CSMD1: variants seen among roughly 807,000 people sequenced by gnomAD.
CSMD1 encodes the protein CUB and sushi domain-containing protein 1.
CSMD1 carries 213 observed loss-of-function variants against 417.5 expected under a neutral mutation model. That is an observed-to-expected ratio of 0.51 (90% confidence interval 0.46 to 0.57). The LOEUF (loss-of-function observed/expected upper bound fraction) is 0.57, where lower values mean the gene tolerates loss of function less well. Among genes scored for constraint, CSMD1 ranks in the 20% least tolerant of loss-of-function variants. The pLI is 0.00. For synonymous variants in CSMD1, 2,862 were observed against 1,736.8 expected, an observed-to-expected ratio of 1.65 and a Z score of -16.11; for missense variants, 6,923 against 4,529.7, an observed-to-expected ratio of 1.53 and a Z score of -15.17.
intron 3 of CSMD1, among the ~76,000 whole-genome samples, chr8:4,401,795 C>T (rs576982785): frequency 6.6e-6 from 1 of 152,248 alleles, no homozygotes; most frequent in African/African-American, 2.4e-5. Context: ...AGCAGTGCTT[C>T]CTCTCTCACT....
intron 1 of CSMD1, among the ~76,000 whole-genome samples, chr8:4,772,310 C>T (rs1007416934): frequency 6.6e-6 from 1 of 152,194 alleles, no homozygotes; most frequent in South Asian, 2.1e-4. Flanking sequence ...TCCTTCACGT[C>T]ATCTTTACGC....
chr8:4,798,977 G>A (rs1006803841), intron 1 of CSMD1, among the ~76,000 whole-genome samples: 1 of 152,104 alleles, frequency 6.6e-6, no homozygotes, highest in Non-Finnish European at 1.5e-5. Context: ...GCTTCTGCAC[G>A]CCCACATCCT....
At chr8:3,759,892 G>A (rs913588392) in intron 5 of CSMD1, among the ~76,000 whole-genome samples, 1 of 128,382 alleles carries the variant, frequency 7.8e-6, no homozygotes, top group East Asian at 2.2e-4. Flanking sequence ...CTGGGTGACT[G>A]AGAGACTGTC....
chr8:3,957,711 A>T (rs1812053838), intron 5 of CSMD1, among the ~76,000 whole-genome samples: 1 of 115,078 alleles, frequency 8.7e-6, no homozygotes, highest in Non-Finnish European at 1.9e-5. Flanking sequence ...GAAGAGGAAA[A>T]GAGAAAAGAA....
chr8:3,015,382 G>C (rs753325946), intron 52 of CSMD1, among the ~76,000 whole-genome samples: 12 of 151,986 alleles, frequency 7.9e-5, no homozygotes, highest in Non-Finnish European at 1.5e-4. Flanking sequence ...ATTTTTTCCT[G>C]ATTGGATGAT....
intron 10 of CSMD1, among the ~76,000 whole-genome samples, chr8:3,571,521 C>A (rs1459415059): frequency 1.3e-5 from 2 of 152,162 alleles, no homozygotes; most frequent in African/African-American, 4.8e-5. Context: ...GAATGCTCAC[C>A]TGCCTCGAGT....
chr8:3,647,096 T>C (rs1003316954), intron 7 of CSMD1, among the ~76,000 whole-genome samples: 2 of 152,156 alleles, frequency 1.3e-5, no homozygotes, highest in Non-Finnish European at 2.9e-5. Flanking sequence ...GCCCTTGTCA[T>C]GGCAATGAAA....
At chr8:3,853,753 A>G (rs985324983) in intron 5 of CSMD1, among the ~76,000 whole-genome samples, 1 of 151,742 alleles carries the variant, frequency 6.6e-6, no homozygotes, top group African/African-American at 2.4e-5. Flanking sequence ...CAGCATTAGG[A>G]GATATACCTA....
intron 3 of CSMD1, among the ~76,000 whole-genome samples, chr8:4,227,083 C>T (rs1015540391): frequency 4.6e-5 from 7 of 152,108 alleles, no homozygotes; most frequent in Non-Finnish European, 7.3e-5. Context: ...TAATAAATGA[C>T]GCATGCCTGA....
intron 5 of CSMD1, among the ~76,000 whole-genome samples, chr8:3,986,713 C>A (rs1001233176): frequency 6.6e-6 from 1 of 152,056 alleles, no homozygotes; most frequent in Admixed American, 6.6e-5. Context: ...GAAAATTTAT[C>A]ATGTTTCAGT....
At chr8:3,885,951 G>A (rs1007481600) in intron 5 of CSMD1, among the ~76,000 whole-genome samples, 3 of 151,324 alleles carry the variant, frequency 2.0e-5, no homozygotes, top group Non-Finnish European at 4.4e-5. Context: ...ATAAGTTATG[G>A]GCATAAATCA....
At chr8:4,594,333 A>G (rs1213193435) in intron 2 of CSMD1, among the ~76,000 whole-genome samples, 2 of 150,306 alleles carry the variant, frequency 1.3e-5, no homozygotes, top group Non-Finnish European at 3.0e-5. Flanking sequence ...CCTCTTGAGT[A>G]GCTGGGAATA....
intron 51 of CSMD1, among the ~76,000 whole-genome samples, chr8:3,028,306 C>T (rs1053128514): frequency 3.9e-5 from 6 of 152,246 alleles, no homozygotes; most frequent in East Asian, 3.9e-4. Context: ...AATCTGTGCA[C>T]GACTGGCAAG....
At chr8:3,529,417 A>G (rs1021466012) in intron 10 of CSMD1, among the ~76,000 whole-genome samples, 3 of 152,220 alleles carry the variant, frequency 2.0e-5, no homozygotes, top group African/African-American at 7.2e-5. Context: ...GGGGGTTGAT[A>G]CATGAGGAAT....
At chr8:4,884,629 A>G (rs1803616014) in intron 1 of CSMD1, among the ~76,000 whole-genome samples, 1 of 152,080 alleles carries the variant, frequency 6.6e-6, no homozygotes, top group Admixed American at 6.5e-5. Flanking sequence ...TGAAAAGTCT[A>G]TTACTTTATT....
intron 3 of CSMD1, among the ~76,000 whole-genome samples, chr8:4,178,195 G>A (rs541734085): frequency 1.8e-3 from 271 of 152,248 alleles, no homozygotes; most frequent in African/African-American, 6.3e-3. Flanking sequence ...GATACTGGCA[G>A]ACCGAATCCA....
chr8:3,021,263 G>A (rs1174858473), intron 51 of CSMD1, among the ~76,000 whole-genome samples: 1 of 152,166 alleles, frequency 6.6e-6, no homozygotes, highest in African/African-American at 2.4e-5. Context: ...TTACTCAATT[G>A]TAAAGAAGAA....
At chr8:4,374,343 T>G (rs1259484798) in intron 3 of CSMD1, among the ~76,000 whole-genome samples, 1 of 152,164 alleles carries the variant, frequency 6.6e-6, no homozygotes, top group Non-Finnish European at 1.5e-5. Flanking sequence ...TTTCTTTATT[T>G]TCAGAATCTG....
intron 12 of CSMD1, among the ~76,000 whole-genome samples, chr8:3,452,131 T>A (rs529674589): frequency 6.6e-6 from 1 of 152,100 alleles, no homozygotes; most frequent in Non-Finnish European, 1.5e-5. Context: ...TGTTATTGTT[T>A]TATAAGAATG....
Sources: allele counts gnomAD v4.1 joint callset (sites outside exome capture counted in the v4.1 genomes callset), GRCh38; gene constraint gnomAD v4.1.1; transcripts MANE v1.5; gene names NCBI Gene and HGNC (gene_info 2026-07-23, HGNC 2026-07-21).